Variants in OPCML observed in about 807,000 individuals in gnomAD.
OPCML encodes opioid-binding protein/cell adhesion molecule.
Under a neutral mutation model 37.8 loss-of-function variants are expected in OPCML, and 13 were observed. The observed-to-expected ratio is 0.34, with a 90% CI of 0.22 to 0.55. The LOEUF (loss-of-function observed/expected upper bound fraction) is 0.55, where lower values mean the gene tolerates loss of function less well. Among genes scored for constraint, OPCML ranks in the 20% least tolerant of loss-of-function variants. OPCML has a pLI of 0.91. For synonymous variants in OPCML, 176 were observed against 168.8 expected (o/e 1.04, Z -0.33); for missense variants, 341 against 435.6 (o/e 0.78, Z 1.93).
chr11:133,358,618 A>G (rs777347355), intron 1 of OPCML, among the ~76,000 whole-genome samples: 7 of 152,216 alleles, frequency 4.6e-5, no homozygotes, highest in Non-Finnish European at 8.8e-5. Flanking sequence ...CAAGGATGCA[A>G]ATAAACTCTT....
chr11:132,423,424 A>T (rs1248059653), intron 7 of OPCML, among the ~76,000 whole-genome samples: 3 of 152,228 alleles, frequency 2.0e-5, no homozygotes, highest in Non-Finnish European at 4.4e-5. Flanking sequence ...TCCTGGGCAC[A>T]TTTGAGACTT....
Position 133,206,161 on chromosome 11 carries a change from G to T in OPCML, c.62-263151C>A, listed in dbSNP as rs117360205. Among the ~76,000 whole-genome samples the T allele has an allele frequency of 2.6e-4, 40 of 152,260 alleles. No homozygotes were observed. The East Asian group carries it at 6.8e-3, about 26-fold the overall frequency. ...TAAGGCTGTTTCAAGGTTTCAAAAA[G>T]ACAATGCACAAAAAACTGCTTCCCA... On this transcript the variant is annotated intron_variant, in intron 1 of 7. Coordinates refer to ENST00000524381, the MANE Select transcript of OPCML (RefSeq NM_001012393.5). The surrounding 1 kb of genome is among the most constrained non-coding windows in gnomAD (Gnocchi z 4.7).
At chr11:133,243,635 G>A (rs117136733) in intron 1 of OPCML, among the ~76,000 whole-genome samples, 3,011 of 152,250 alleles carry the variant, frequency 0.02, 43 homozygotes, top group Non-Finnish European at 0.03. Context: ...CCAAACACAC[G>A]GCTCCAGTCC....
rs551553248 is a variant in OPCML, at chr11:133,382,266, T to C, written c.61+149998A>G. ...AGCTGTGTGGATGCCGTGCATTTAA[T>C]AGCTTCTGAATCAGTCAGGCAAAAG... On this transcript the variant is annotated intron_variant, in intron 1 of 7. Coordinates refer to ENST00000524381, the MANE Select transcript of OPCML (RefSeq NM_001012393.5). Among the ~76,000 whole-genome samples the C allele has an allele frequency of 1.4e-4, 22 of 152,328 alleles. 1 individual carries two copies. The highest frequency in any genetic ancestry group is 1.0e-3 in the Admixed American group (16 of 15,306).
chr11:132,646,049 A>T (rs1221689394), intron 3 of OPCML, among the ~76,000 whole-genome samples: 1 of 152,140 alleles, frequency 6.6e-6, no homozygotes, highest in Non-Finnish European at 1.5e-5. Context: ...TGTAGGATGT[A>T]AATGTGGAGA....
At chr11:132,582,697 T>C (rs572264200) in intron 3 of OPCML, among the ~76,000 whole-genome samples, 1 of 152,262 alleles carries the variant, frequency 6.6e-6, no homozygotes, top group East Asian at 1.9e-4. Context: ...CATTTTGATA[T>C]AGAGTAGTCA....
At chr11:132,554,781 T>C (rs1187900817) in intron 3 of OPCML, among the ~76,000 whole-genome samples, 5 of 151,678 alleles carry the variant, frequency 3.3e-5, no homozygotes, top group Non-Finnish European at 7.4e-5. Context: ...GTTTATGTTA[T>C]TAACTCACAG....
intron 4 of OPCML, among the ~76,000 whole-genome samples, chr11:132,496,826 C>T (rs1056697421): frequency 6.6e-6 from 1 of 152,146 alleles, no homozygotes; most frequent in Non-Finnish European, 1.5e-5. Flanking sequence ...AAAGTTTTCT[C>T]TATAGGAAGA....
intron 1 of OPCML, among the ~76,000 whole-genome samples, chr11:133,088,219 C>T (rs536181290): frequency 6.8e-4 from 82 of 121,172 alleles, no homozygotes; most frequent in African/African-American, 2.5e-3. Context: ...GGGAGAACCA[C>T]GGCTTTGCTA....
intron 4 of OPCML, among the ~76,000 whole-genome samples, chr11:132,444,838 T>C (rs796731619): frequency 6.6e-6 from 1 of 152,326 alleles, no homozygotes; most frequent in East Asian, 1.9e-4. Flanking sequence ...CAGCAGTACA[T>C]TGCATCCTTG....
At chr11:132,689,652 G>A (rs1943320792) in intron 2 of OPCML, among the ~76,000 whole-genome samples, 1 of 152,230 alleles carries the variant, frequency 6.6e-6, no homozygotes. Context: ...AGGAAGAGCA[G>A]TACTGCACAG....
chr11:132,634,582 G>A (rs1387524863), intron 3 of OPCML, among the ~76,000 whole-genome samples: 1 of 152,172 alleles, frequency 6.6e-6, no homozygotes, highest in Non-Finnish European at 1.5e-5. Flanking sequence ...CTGCACCTTG[G>A]GGATTATGTA....
At position 133,208,458 on chromosome 11, in the gene OPCML, C is replaced by A. The variant is rs192064887; in HGVS notation, c.62-265448G>T. 2.1e-3 allele frequency among the ~76,000 whole-genome samples: 327 copies of A among 152,282 alleles called. No individual in the cohort carries two copies. The highest frequency in any genetic ancestry group is 7.5e-3 in the African/African-American group (311 of 41,552). On this transcript the variant is annotated intron_variant, in intron 1 of 7. Coordinates refer to ENST00000524381, the MANE Select transcript of OPCML (RefSeq NM_001012393.5). The surrounding 1 kb of genome is among the most constrained non-coding windows in gnomAD (Gnocchi z 8.9). Reference sequence around the variant, plus strand: ...TGGTGCAGAGTAAATCATTAAATTTCTCTTGATCTCTCAATTTTTGCATGA... The same window carrying A: ...TGGTGCAGAGTAAATCATTAAATTTATCTTGATCTCTCAATTTTTGCATGA...
intron 3 of OPCML, among the ~76,000 whole-genome samples, chr11:132,615,460 C>T (rs544608133): frequency 3.6e-4 from 54 of 152,088 alleles, no homozygotes; most frequent in Admixed American, 1.6e-3. Context: ...TCTTTATCAG[C>T]GAGTTCCATG....
chr11:133,388,994 G>A (rs889943720), intron 1 of OPCML, among the ~76,000 whole-genome samples: 1 of 152,146 alleles, frequency 6.6e-6, no homozygotes, highest in Non-Finnish European at 1.5e-5. Context: ...AGGCACACAG[G>A]TTAAAGTCAC....
At chr11:133,363,623 C>T (rs1284014940) in intron 1 of OPCML, among the ~76,000 whole-genome samples, 1 of 152,146 alleles carries the variant, frequency 6.6e-6, no homozygotes, top group East Asian at 1.9e-4. Context: ...TTCCTATGCA[C>T]GTGTGTTCTC....
intron 2 of OPCML, among the ~76,000 whole-genome samples, chr11:132,827,134 T>C (rs1461753992): frequency 1.3e-5 from 2 of 152,110 alleles, no homozygotes; most frequent in Non-Finnish European, 2.9e-5. Flanking sequence ...AGACAAGACA[T>C]AGGATGGGAG....
chr11:132,992,969 G>A (rs767665305), intron 1 of OPCML, among the ~76,000 whole-genome samples: 3 of 152,090 alleles, frequency 2.0e-5, no homozygotes, highest in Non-Finnish European at 4.4e-5. Context: ...TTTCATCTCC[G>A]TGTATGGGAG....
intron 1 of OPCML, among the ~76,000 whole-genome samples, chr11:133,084,587 G>C (rs942527448): frequency 3.3e-5 from 5 of 152,112 alleles, no homozygotes; most frequent in Middle Eastern, 6.3e-3. Context: ...AGCCAATCTG[G>C]GGTCAGGCAG....
Sources: allele counts gnomAD v4.1 joint callset (sites outside exome capture counted in the v4.1 genomes callset), GRCh38; gene constraint gnomAD v4.1.1; non-coding constraint Gnocchi (gnomAD v3.1); transcripts MANE v1.5; gene names NCBI Gene and HGNC (gene_info 2026-07-23, HGNC 2026-07-21).